Variants in SERPINB3 observed in about 807,000 individuals in gnomAD.
SERPINB3 encodes serpin B3.
SERPINB3 carries 33 observed loss-of-function variants against 33.0 expected under a neutral mutation model. The ratio of observed to expected loss-of-function variants is 1.00; its 90% CI spans 0.76 to 1.34. The LOEUF is 1.34. Ranked by LOEUF, SERPINB3 falls within the 40% of genes most tolerant of loss-of-function variation. The pLI, the probability that SERPINB3 is intolerant of heterozygous loss-of-function variation, is 0.00. For synonymous variants in SERPINB3, 200 were observed against 170.9 expected, an observed-to-expected ratio of 1.17 and a Z score of -1.33; for missense variants, 518 against 461.5, an observed-to-expected ratio of 1.12 and a Z score of -1.12.
Position 63,655,580 on chromosome 18 carries a change from C to T in SERPINB3, c.*77G>A, listed in dbSNP as rs2144490326. 7.0e-7 allele frequency: 1 copy of T among 1,433,986 alleles called. No individual in the cohort carries two copies. Among genetic ancestry groups the T allele is most frequent in the South Asian group, 1.4e-5 (1 of 70,578 alleles). The allele number at this position is 1,433,986 out of a possible 1,614,324, so 88.8% of individuals were successfully genotyped here. A position where few individuals can be genotyped will look rare whatever the true frequency, so the allele number is the denominator to read the frequency against. On this transcript the variant is annotated 3_prime_UTR_variant, in exon 8 of 8. Coordinates refer to ENST00000283752, the MANE Select transcript of SERPINB3 (RefSeq NM_006919.3). ...GAAAAGAAATATGAGCCAAGAGAAT[C>T]TGTTGTTGCCAGCAATCAGTTTACC...
chr18:63,661,037 G>A lies in SERPINB3; in HGVS notation c.165+15C>T, dbSNP rs771519957. 5 of 1,613,436 alleles carry A rather than the reference G, an allele frequency of 3.1e-6. No individual in the cohort carries two copies. The highest frequency in any genetic ancestry group is 1.1e-5 in the South Asian group (1 of 91,034). On this transcript the variant is annotated intron_variant, in intron 2 of 7. Transcript: ENST00000283752. ...AAAAACTGCAACAGGACAACATAAT[G>A]ATGCTGATAGCTACCTTCTTAATCT...
chr18:63,658,925 T>C (rs1038162961), intron 4 of SERPINB3, among the ~76,000 whole-genome samples: 5 of 152,182 alleles, frequency 3.3e-5, no homozygotes, highest in Admixed American at 2.0e-4. Flanking sequence ...TCATTGCTTC[T>C]CAGACCTCTT....
At chr18:63,660,510 G>C (rs1396229773) in intron 3 of SERPINB3, among the ~76,000 whole-genome samples, 2 of 152,130 alleles carry the variant, frequency 1.3e-5, no homozygotes, top group Admixed American at 1.3e-4. Context: ...ACTCTGAGCA[G>C]TTGTGTCCTG....
chr18:63,656,183 CT>C, intron 7 of SERPINB3, 122 bp from the exon 8 acceptor site: 1 of 1,184,392 alleles, frequency 8.4e-7, no homozygotes. Context: ...AGAAGGTTCA[CT>C]TTATTAGATA....
At position 63,657,004 on chromosome 18, in the gene SERPINB3, G is replaced by A. The variant is rs1317694368; in HGVS notation, c.613-18C>T. 7 of 1,582,686 alleles carry A rather than the reference G, an allele frequency of 4.4e-6. No homozygotes were observed. The highest frequency in any genetic ancestry group is 5.2e-6 in the Non-Finnish European group (6 of 1,159,180). On this transcript the variant is annotated intron_variant, in intron 6 of 7. Coordinates refer to ENST00000283752, the MANE Select transcript of SERPINB3 (RefSeq NM_006919.3). ...TATGTATTCTACAATAAATCAATGTGTCCAACAAATACCAAGTGAGACACA... is the reference window on the plus strand; with the variant it reads ...TATGTATTCTACAATAAATCAATGTATCCAACAAATACCAAGTGAGACACA...
chr18:63,661,288 A>C (rs1913639208), intron 1 of SERPINB3, 46 bp from the exon 2 acceptor site: 27 of 1,538,548 alleles, frequency 1.8e-5, no homozygotes, highest in Non-Finnish European at 2.3e-5. Context: ...AATAAATGGA[A>C]TGGTATTTTG....
At chr18:63,658,815 G>C (rs539088289) in intron 4 of SERPINB3, among the ~76,000 whole-genome samples, 185 bp from the exon 5 acceptor site, 1 of 152,136 alleles carries the variant, frequency 6.6e-6, no homozygotes, top group African/African-American at 2.4e-5. Context: ...GCGGGCTGGC[G>C]CAAGAAAGAG....
chr18:63,659,965 A>G (rs1913599145), intron 3 of SERPINB3, among the ~76,000 whole-genome samples: 1 of 152,176 alleles, frequency 6.6e-6, no homozygotes, highest in Admixed American at 6.5e-5. Context: ...TGGTGCTGTT[A>G]TCTTGTAGGA....
rs2144491164 is a variant in SERPINB3, at chr18:63,655,949, T to A, written c.881A>T (p.Asp294Val). 1.2e-6 allele frequency: 2 copies of A among 1,613,992 alleles called. No individual in the cohort carries two copies. Among genetic ancestry groups the A allele is most frequent in the Non-Finnish European group, 1.7e-6 (2 of 1,179,946 alleles). Residue 294 changes from aspartate (D) to valine (V), a missense_variant, in exon 8 of 8, where the codon GAC (aspartate) becomes GTC (valine). Physicochemically the swap from Asp to Val is radical, Grantham distance 152 (BLOSUM62 -3). Coordinates refer to ENST00000283752, the MANE Select transcript of SERPINB3 (RefSeq NM_006919.3). The stretch of plus-strand genomic sequence containing the variant: ...CATGGTTCTCAACGTGTCCTTGAGG[T>A]CATAGCTCTCTTCCACTTTGAACCG... ...LPRFKVEESY[D>V]LKDTLRTMGM...
At position 63,655,536 on chromosome 18, in the gene SERPINB3, T is replaced by A; in HGVS notation, c.*121A>T. The A allele has an allele frequency of 9.4e-7, 1 of 1,066,184 alleles. No homozygotes were observed. Among genetic ancestry groups the A allele is most frequent in the South Asian group, 1.8e-5 (1 of 54,092 alleles). 66.0% of individuals were successfully genotyped at this position (1,066,184 alleles called of 1,614,324 possible). On this transcript the variant is annotated 3_prime_UTR_variant, in exon 8 of 8. Transcript: ENST00000283752. ...ATCATTAAATTCTTGATGATGACGA[T>A]CATCATCAAGATGAGAAAGAAAAGA...
In SERPINB3 at chr18:63,661,148, T is replaced by C; in HGVS notation, c.69A>G (p.Lys23=). 1.2e-6 allele frequency: 2 copies of C among 1,613,694 alleles called. No individual in the cohort carries two copies. ...FDLFQQFRKS[K]ENNIFYSPIS... ...TAGGGGAATAGAAGATGTTGTTCTC[T>C]TTTGATTTTCTGAACTGTTGGAACA... Residue 23 remains lysine (K), a synonymous_variant, in exon 2 of 8, where the codon AAA becomes AAG. Coordinates refer to ENST00000283752, the MANE Select transcript of SERPINB3 (RefSeq NM_006919.3).
rs1913623374 is a variant in SERPINB3, at chr18:63,660,829, T to C, written c.193A>G (p.Asn65Asp). 2 of 1,613,384 alleles carry C rather than the reference T, an allele frequency of 1.2e-6. No individual in the cohort carries two copies. Among genetic ancestry groups the C allele is most frequent in the Non-Finnish European group, 1.7e-6 (2 of 1,179,596 alleles). ...KVLHFDQVTE[N>D]TTGKAATYHV... ...TATGTTGCAGCTTTTCCTGTGGTGT[T>C]CTCTGTGACTTGATCAAAGTGAAGA... is the stretch of plus-strand genomic sequence containing the variant. The change falls in exon 3 of 8, where the codon AAC becomes GAC. Residue 65 changes from asparagine to aspartate, a missense_variant. Physicochemically the swap from Asn to Asp is conservative, Grantham distance 23. Coordinates refer to ENST00000283752, the MANE Select transcript of SERPINB3 (RefSeq NM_006919.3).
At chr18:63,660,205 T>G (rs1471141749) in intron 3 of SERPINB3, among the ~76,000 whole-genome samples, 1 of 152,172 alleles carries the variant, frequency 6.6e-6, no homozygotes, top group African/African-American at 2.4e-5. Flanking sequence ...AAACTTCTAC[T>G]TTCCAGCAAA....
intron 1 of SERPINB3, 44 bp from the exon 2 acceptor site, chr18:63,661,286 G>C: frequency 1.3e-6 from 2 of 1,537,274 alleles, no homozygotes; most frequent in Admixed American, 1.8e-5. Flanking sequence ...TTAATAAATG[G>C]AATGGTATTT....
chr18:63,657,269 C>G lies in SERPINB3; in HGVS notation c.612+1G>C, dbSNP rs775142213. On this transcript the variant is annotated splice_donor_variant, in intron 6 of 7. Transcript: ENST00000283752. LOFTEE classifies it high-confidence loss of function. ...TTATATAAATAAAATATAGACAATACCTTGTTTGGCCAAAATTTTTCCTCT... is the reference window on the plus strand; with the variant it reads ...TTATATAAATAAAATATAGACAATAGCTTGTTTGGCCAAAATTTTTCCTCT... 6.6e-7 allele frequency: 1 copy of G among 1,511,712 alleles called. No homozygotes were observed. Among genetic ancestry groups the G allele is most frequent in the African/African-American group, 1.4e-5 (1 of 72,424 alleles). The allele number at this position is 1,511,712 out of a possible 1,614,324, so 93.6% of individuals were successfully genotyped here.
At chr18:63,660,389 A>G (rs528037263) in intron 3 of SERPINB3, among the ~76,000 whole-genome samples, 1 of 152,246 alleles carries the variant, frequency 6.6e-6, no homozygotes, top group South Asian at 2.1e-4. Context: ...TAATAATAAC[A>G]TTTATTATGA....
In SERPINB3 at chr18:63,659,225, A is replaced by G. The variant is rs1331411232; in HGVS notation, c.351+174T>C. The G allele has an allele frequency of 1.6e-4, 109 of 674,986 alleles. No homozygotes were observed. In the East Asian group the frequency reaches 2.0e-3, roughly 12 times the overall value. The allele number at this position is 674,986 out of a possible 1,614,324, so 41.8% of individuals were successfully genotyped here. A position where few individuals can be genotyped will look rare whatever the true frequency, so the allele number is the denominator to read the frequency against. ...ATCCACACTTCAGTGATGTATTGTTAGGGTCTGGGACACTCCAGTGGGGGA... is the reference window on the plus strand; with the variant it reads ...ATCCACACTTCAGTGATGTATTGTTGGGGTCTGGGACACTCCAGTGGGGGA... On this transcript the variant is annotated intron_variant, in intron 4 of 7. Transcript: ENST00000283752.
rs1913583392 is a variant in SERPINB3, at chr18:63,659,416, T to C, written c.334A>G (p.Thr112Ala). The change falls in exon 4 of 8, where the codon ACG (threonine) becomes GCG (alanine). Residue 112 changes from threonine (T) to alanine (A), a missense_variant. By Grantham distance (58) the Thr-to-Ala change is moderately conservative (BLOSUM62 0). Coordinates refer to ENST00000283752, the MANE Select transcript of SERPINB3 (RefSeq NM_006919.3). ...KIANKLFGEK[T>A]YLFLQEYLDA... ...GAAATTACCTGTAAAAATAGATACG[T>C]TTTTTCTCCGAAGAGCTTGTTGGCG... 6.2e-7 allele frequency: 1 copy of C among 1,613,158 alleles called. No homozygotes were observed. Among genetic ancestry groups the C allele is most frequent in the East Asian group, 2.2e-5 (1 of 44,846 alleles).
intron 5 of SERPINB3, 69 bp downstream of exon 5, chr18:63,658,444 C>A: frequency 4.6e-6 from 6 of 1,307,834 alleles, no homozygotes; most frequent in Non-Finnish European, 6.6e-6. Context: ...GTCCCCCATG[C>A]AGTTTCAGGC....
Sources: gnomAD v4.1 joint callset for allele counts (sites outside exome capture counted in the v4.1 genomes callset) on GRCh38, gnomAD v4.1.1 for gene constraint, MANE v1.5 for transcripts, NCBI Gene and HGNC (gene_info 2026-07-23, HGNC 2026-07-21) for gene names.